Variants in HIVEP3 observed in about 807,000 individuals in gnomAD.
HIVEP3 encodes the protein transcription factor HIVEP3.
Under a neutral mutation model 152.8 loss-of-function variants are expected in HIVEP3, and 49 were observed. The observed-to-expected ratio is 0.32, with a 90% CI of 0.26 to 0.41. The LOEUF is 0.41. Ranked by LOEUF, HIVEP3 falls within the 10% of genes least tolerant of loss-of-function variation. The pLI, the probability that HIVEP3 is intolerant of heterozygous loss-of-function variation, is 1.00. For synonymous variants in HIVEP3, 1,269 were observed against 1,289.0 expected, an observed-to-expected ratio of 0.98 and a Z score of 0.33; for missense variants, 2,790 against 3,103.3, an observed-to-expected ratio of 0.90 and a Z score of 2.40.
intron 1 of HIVEP3, among the ~76,000 whole-genome samples, chr1:41,961,188 T>C (rs752499768): frequency 3.3e-5 from 5 of 151,860 alleles, no homozygotes; most frequent in African/African-American, 4.8e-5. Context: ...TCATGCGGGG[T>C]CCACATGAAA....
At chr1:41,657,130 C>T (rs1645639903) in intron 2 of HIVEP3, among the ~76,000 whole-genome samples, 1 of 152,184 alleles carries the variant, frequency 6.6e-6, no homozygotes. Context: ...AAGGACCAAT[C>T]CACTGTTGAA....
At chr1:41,668,891 C>T (rs1448252888) in intron 2 of HIVEP3, among the ~76,000 whole-genome samples, 1 of 152,138 alleles carries the variant, frequency 6.6e-6, no homozygotes. Context: ...GGGGTCAATG[C>T]TTGGTACCTA....
At chr1:41,826,184 T>C (rs924482203) in intron 1 of HIVEP3, among the ~76,000 whole-genome samples, 9 of 152,336 alleles carry the variant, frequency 5.9e-5, no homozygotes, top group African/African-American at 1.7e-4. Context: ...AGCATGTCTA[T>C]TGCTCATTAA....
At chr1:41,929,608 C>T (rs1451296563) in intron 1 of HIVEP3, among the ~76,000 whole-genome samples, 1 of 151,640 alleles carries the variant, frequency 6.6e-6, no homozygotes, top group East Asian at 1.9e-4. Flanking sequence ...TGCTACAGTG[C>T]TACAGGCCAT....
At chr1:41,914,496 C>T (rs1644841660) in intron 1 of HIVEP3, among the ~76,000 whole-genome samples, 1 of 152,218 alleles carries the variant, frequency 6.6e-6, no homozygotes, top group African/African-American at 2.4e-5. Context: ...ACGTTTTCCA[C>T]ATATGTATTG....
chr1:41,587,859 G>A (rs968497393), intron 3 of HIVEP3, among the ~76,000 whole-genome samples: 5 of 152,302 alleles, frequency 3.3e-5, no homozygotes, highest in South Asian at 4.1e-4. Flanking sequence ...GGCATGATGC[G>A]CACTGCAGTC....
chr1:41,859,833 C>T (rs1360721990), intron 1 of HIVEP3, among the ~76,000 whole-genome samples: 1 of 152,166 alleles, frequency 6.6e-6, no homozygotes, highest in Non-Finnish European at 1.5e-5. Context: ...TTGCGAATTG[C>T]CTGTTCATGT....
intron 1 of HIVEP3, among the ~76,000 whole-genome samples, chr1:41,901,734 A>T (rs1004951712): frequency 2.0e-5 from 3 of 152,070 alleles, no homozygotes; most frequent in Non-Finnish European, 4.4e-5. Context: ...CAAGGGCTGA[A>T]GCGGAGGAGG....
At chr1:41,830,775 T>TAC (rs1642941280) in intron 1 of HIVEP3, among the ~76,000 whole-genome samples, 1 of 152,126 alleles carries the variant, frequency 6.6e-6, no homozygotes, top group South Asian at 2.1e-4. Context: ...GTGAACTTCC[T>TAC]ACACATAGAT....
intron 1 of HIVEP3, among the ~76,000 whole-genome samples, chr1:41,739,195 C>T (rs891140305): frequency 1.3e-5 from 2 of 152,230 alleles, no homozygotes; most frequent in East Asian, 1.9e-4. Flanking sequence ...TGGGGGTTTC[C>T]GGGCAGCCTG....
intron 2 of HIVEP3, among the ~76,000 whole-genome samples, chr1:41,648,961 CAAGTG>C (rs1645503829): frequency 2.0e-5 from 3 of 152,252 alleles, no homozygotes; most frequent in Non-Finnish European, 4.4e-5. Flanking sequence ...CTTGGTAGCT[CAAGTG>C]CTCAGAGCCT....
intron 1 of HIVEP3, among the ~76,000 whole-genome samples, chr1:41,951,794 G>A (rs529430620): frequency 5.3e-5 from 8 of 152,222 alleles, no homozygotes; most frequent in Non-Finnish European, 8.8e-5. Context: ...ACTACCATGA[G>A]AAAAGCATGG....
intron 1 of HIVEP3, among the ~76,000 whole-genome samples, chr1:41,906,483 A>G (rs1416372211): frequency 6.6e-6 from 1 of 152,164 alleles, no homozygotes; most frequent in Non-Finnish European, 1.5e-5. Context: ...AATTCTAGGA[A>G]AGGCAAAACT....
chr1:41,775,395 C>T (rs1648632014), intron 1 of HIVEP3, among the ~76,000 whole-genome samples: 1 of 152,194 alleles, frequency 6.6e-6, no homozygotes, highest in Non-Finnish European at 1.5e-5. Flanking sequence ...AAACAAAACT[C>T]CTGAGTTGCC....
At position 41,582,601 on chromosome 1, in the gene HIVEP3, T is replaced by A; in HGVS notation, c.2197A>T (p.Thr733Ser). Residue 733 changes from threonine (T) to serine (S), a missense_variant, in exon 4 of 9, where the codon ACA becomes TCA. Around this residue, in one of 9 missense-constraint regions of HIVEP3, gnomAD observed 339 missense variants for 327.0 expected, o/e 1.04. Transcript: ENST00000372583. This position sits in a 1 kb window ranked among gnomAD's most constrained non-coding sequence, Gnocchi z 4.7. ...CCGGGGCTGCCAAACTGACTTTTTGTGGACTCAAAGGCAGGTGGCTCTTCC... is the reference window on the plus strand; with the variant it reads ...CCGGGGCTGCCAAACTGACTTTTTGAGGACTCAAAGGCAGGTGGCTCTTCC... ...DEEEPPAFESTKSQFGSPGPS... is the reference protein window; with the variant it reads ...DEEEPPAFESSKSQFGSPGPS... 1 of 1,612,800 alleles carries A rather than the reference T, an allele frequency of 6.2e-7. No homozygotes were observed. Among genetic ancestry groups the A allele is most frequent in the Non-Finnish European group, 8.5e-7 (1 of 1,179,294 alleles).
At chr1:41,860,978 G>T (rs1643880044) in intron 1 of HIVEP3, among the ~76,000 whole-genome samples, 1 of 152,210 alleles carries the variant, frequency 6.6e-6, no homozygotes, top group African/African-American at 2.4e-5. Context: ...GCCAGGACTA[G>T]GTTCTTGGCA....
At chr1:41,634,969 G>A (rs1375471705) in intron 2 of HIVEP3, among the ~76,000 whole-genome samples, 1 of 152,164 alleles carries the variant, frequency 6.6e-6, no homozygotes, top group Non-Finnish European at 1.5e-5. Flanking sequence ...GTTTGAAGAT[G>A]TAGTTAGTAA....
chr1:41,779,647 C>T (rs1456425420), intron 1 of HIVEP3, among the ~76,000 whole-genome samples: 1 of 152,252 alleles, frequency 6.6e-6, no homozygotes, highest in Non-Finnish European at 1.5e-5. Flanking sequence ...AAGCATAAAC[C>T]ATTATGCCTG....
At chr1:42,028,154 T>A (rs1301710270) in intron 1 of HIVEP3, among the ~76,000 whole-genome samples, 1 of 152,260 alleles carries the variant, frequency 6.6e-6, no homozygotes, top group Non-Finnish European at 1.5e-5. Context: ...TTCTTCTTGG[T>A]ATTTATTATT....
Sources: allele counts gnomAD v4.1 joint callset (sites outside exome capture counted in the v4.1 genomes callset), GRCh38; gene constraint gnomAD v4.1.1; regional missense constraint gnomAD v4.1.1; non-coding constraint Gnocchi (gnomAD v3.1); transcripts MANE v1.5; gene names NCBI Gene and HGNC (gene_info 2026-07-23, HGNC 2026-07-21).